Variants in HERC3 observed in about 807,000 individuals in gnomAD.
HERC3 encodes HECT and RLD domain containing E3 ubiquitin protein ligase 3, also known as probable E3 ubiquitin-protein ligase HERC3.
HERC3 carries 58 observed loss-of-function variants against 129.9 expected under a neutral mutation model. That is an observed-to-expected ratio of 0.45 (90% CI 0.36 to 0.56). HERC3 has a LOEUF of 0.56. Ranked by LOEUF, HERC3 falls within the 20% of genes least tolerant of loss-of-function variation. The pLI is 0.00. For missense variants in HERC3, 835 were observed against 1,244.2 expected, an observed-to-expected ratio of 0.67 and a Z score of 4.95; for synonymous variants, 430 against 451.0, an observed-to-expected ratio of 0.95 and a Z score of 0.59.
chr4:88,606,077 T>C lies in HERC3; in HGVS notation c.226+28T>C, dbSNP rs1410612693. 3 of 1,565,668 alleles carry C rather than the reference T, an allele frequency of 1.9e-6. No individual in the cohort carries two copies. In the African/African-American group the frequency reaches 4.1e-5, roughly 21 times the overall value. On this transcript the variant is annotated intron_variant, in intron 3 of 25. Coordinates refer to ENST00000402738, the MANE Select transcript of HERC3 (RefSeq NM_014606.3). The stretch of plus-strand genomic sequence containing the variant: ...AAGTGCACCTTATCTGTCTTGATTA[T>C]TGGTGAGAATGGAAAGTTGGAGGAC...
intron 3 of HERC3, among the ~76,000 whole-genome samples, chr4:88,644,022 T>G (rs374587091): frequency 4.6e-5 from 7 of 152,270 alleles, no homozygotes; most frequent in African/African-American, 1.7e-4. Context: ...AATAAGCACA[T>G]GAAAAGATGT....
the HERC3 span, chr4:88,528,154 A>T: frequency 4.5e-6 from 1 of 219,878 alleles, no homozygotes. Context: ...AAAACCAGTC[A>T]GGCCCTGGGG....
intron 16 of HERC3, among the ~76,000 whole-genome samples, chr4:88,675,496 C>G (rs2860291): frequency 0.038 from 5,747 of 152,086 alleles, 315 homozygotes; most frequent in East Asian, 0.27. Context: ...TCAACATAAC[C>G]TATATTGTTG....
the HERC3 span, among the ~76,000 whole-genome samples, chr4:88,532,398 C>G: frequency 6.6e-6 from 1 of 152,134 alleles, no homozygotes; most frequent in African/African-American, 2.4e-5. Flanking sequence ...GAACCCAGCA[C>G]CAGTATCTGA....
chr4:88,524,053 T>C, the HERC3 span: 20 of 320,288 alleles, frequency 6.2e-5, no homozygotes, highest in East Asian at 1.3e-3. Context: ...CTCAGAGTTG[T>C]AGGGAGTTAG....
the HERC3 span, among the ~76,000 whole-genome samples, chr4:88,576,858 C>T: frequency 1.3e-4 from 20 of 152,116 alleles, no homozygotes; most frequent in African/African-American, 4.3e-4. Flanking sequence ...CATGGTACCA[C>T]GCTTACAGAC....
chr4:88,525,469 G>A, the HERC3 span, among the ~76,000 whole-genome samples: 3 of 152,192 alleles, frequency 2.0e-5, no homozygotes, highest in Non-Finnish European at 2.9e-5. Flanking sequence ...AACCCTTGGC[G>A]CTTGTTGGGT....
the HERC3 span, among the ~76,000 whole-genome samples, chr4:88,581,644 G>T: frequency 6.6e-6 from 1 of 151,942 alleles, no homozygotes; most frequent in African/African-American, 2.4e-5. Context: ...TAGAGACAGG[G>T]TCTCAGCATG....
At chr4:88,583,497 A>T in the HERC3 span, among the ~76,000 whole-genome samples, 3 of 152,098 alleles carry the variant, frequency 2.0e-5, no homozygotes, top group African/African-American at 7.2e-5. Flanking sequence ...AGCTTCTACT[A>T]TGATAAATTA....
chr4:88,590,547 A>G (rs1316101106), upstream of HERC3, among the ~76,000 whole-genome samples: 1 of 152,234 alleles, frequency 6.6e-6, no homozygotes, highest in Non-Finnish European at 1.5e-5. Flanking sequence ...CGACAGAGCG[A>G]GACTCCGTCT....
intron 23 of HERC3, among the ~76,000 whole-genome samples, chr4:88,703,123 C>A (rs1735470768): frequency 1.3e-5 from 2 of 152,194 alleles, no homozygotes; most frequent in Admixed American, 6.5e-5. Flanking sequence ...CTACTTCCAA[C>A]TTAGGGCCAA....
chr4:88,583,439 CAA>C, the HERC3 span, among the ~76,000 whole-genome samples: 2 of 122,132 alleles, frequency 1.6e-5, no homozygotes. Flanking sequence ...GACTCCTTCT[CAA>C]AAAAAAAAAA....
chr4:88,695,638 G>C (rs747017487), intron 23 of HERC3, among the ~76,000 whole-genome samples: 4 of 152,188 alleles, frequency 2.6e-5, no homozygotes, highest in Non-Finnish European at 5.9e-5. Context: ...GAGGAGGATT[G>C]AATTTCCAAT....
At chr4:88,572,461 G>A in the HERC3 span, among the ~76,000 whole-genome samples, 1 of 151,526 alleles carries the variant, frequency 6.6e-6, no homozygotes, top group Non-Finnish European at 1.5e-5. Context: ...CATGTATATG[G>A]CCTTAGGCCA....
At chr4:88,634,810 C>T (rs189809239) in intron 3 of HERC3, among the ~76,000 whole-genome samples, 217 of 152,128 alleles carry the variant, frequency 1.4e-3, no homozygotes, top group Non-Finnish European at 1.9e-3. Context: ...AGGCACCCAT[C>T]TCCACTCTTC....
chr4:88,532,863 C>T, the HERC3 span, among the ~76,000 whole-genome samples: 1 of 152,212 alleles, frequency 6.6e-6, no homozygotes, highest in Non-Finnish European at 1.5e-5. Flanking sequence ...GGCAAGATAA[C>T]TTACCTCTTG....
At chr4:88,540,339 A>G in the HERC3 span, among the ~76,000 whole-genome samples, 69,832 of 152,054 alleles carry the variant, frequency 0.46, 19,702 homozygotes, top group African/African-American at 0.79. Context: ...GTGGAAGAAA[A>G]GATATCAGTG....
the HERC3 span, among the ~76,000 whole-genome samples, chr4:88,566,737 A>G: frequency 3.9e-5 from 6 of 152,188 alleles, no homozygotes; most frequent in African/African-American, 1.4e-4. Context: ...TTTCTCCTTC[A>G]TGTTTGAAAG....
chr4:88,693,201 C>A (rs576779813), intron 23 of HERC3: 1 of 981,092 alleles, frequency 1.0e-6, no homozygotes. Context: ...TTTCTCTTCC[C>A]CCCCACCACC....
Sources: gnomAD v4.1 joint callset for allele counts (sites outside exome capture counted in the v4.1 genomes callset) on GRCh38, gnomAD v4.1.1 for gene constraint, MANE v1.5 for transcripts, NCBI Gene and HGNC (gene_info 2026-07-23, HGNC 2026-07-21) for gene names.